ROBO1: variants seen among roughly 807,000 people sequenced by gnomAD.
ROBO1 encodes roundabout guidance receptor 1, also known as roundabout homolog 1.
ROBO1 carries 149 observed loss-of-function variants against 195.9 expected under a neutral mutation model. The ratio of observed to expected loss-of-function variants is 0.76; its 90% confidence interval spans 0.67 to 0.87. The LOEUF (loss-of-function observed/expected upper bound fraction) is 0.87, where lower values mean the gene tolerates loss of function less well. Among genes scored for constraint, ROBO1 ranks in the 40% least tolerant of loss-of-function variants. ROBO1 has a pLI of 0.00. For missense variants in ROBO1, 1,933 were observed against 2,068.3 expected (o/e 0.93, Z 1.27); for synonymous variants, 816 against 733.2 (o/e 1.11, Z -1.82).
chr3:79,364,283 T>TAC (rs1398933884), intron 2 of ROBO1, among the ~76,000 whole-genome samples: 6 of 149,540 alleles, frequency 4.0e-5, no homozygotes, highest in African/African-American at 9.9e-5. Flanking sequence ...TATATATATA[T>TAC]ACACACACAT....
At chr3:78,710,403 T>C (rs998051261) in intron 8 of ROBO1, among the ~76,000 whole-genome samples, 6 of 152,230 alleles carry the variant, frequency 3.9e-5, no homozygotes, top group Non-Finnish European at 8.8e-5. Flanking sequence ...ACAATATTAG[T>C]ACTTCAGATT....
chr3:78,728,110 AT>A (rs2082206311), intron 5 of ROBO1, among the ~76,000 whole-genome samples: 1 of 152,120 alleles, frequency 6.6e-6, no homozygotes. Context: ...TATAAAAGCT[AT>A]TGATTCTTGC....
At chr3:78,897,751 A>G (rs958204401) in intron 4 of ROBO1, among the ~76,000 whole-genome samples, 2 of 152,144 alleles carry the variant, frequency 1.3e-5, no homozygotes, top group Admixed American at 6.5e-5. Flanking sequence ...TAATTCCCAC[A>G]TATCTAAACA....
intron 2 of ROBO1, among the ~76,000 whole-genome samples, chr3:79,568,649 T>C (rs1943171082): frequency 6.6e-6 from 1 of 152,024 alleles, no homozygotes; most frequent in Non-Finnish European, 1.5e-5. Flanking sequence ...TTGTCTGTCC[T>C]TTGTTCTTGG....
At chr3:78,933,634 C>T (rs1371005643) in intron 4 of ROBO1, among the ~76,000 whole-genome samples, 1 of 151,810 alleles carries the variant, frequency 6.6e-6, no homozygotes, top group Non-Finnish European at 1.5e-5. Flanking sequence ...TAATAAAAAT[C>T]CAAATATATT....
chr3:79,498,068 A>G (rs375055130), intron 2 of ROBO1, among the ~76,000 whole-genome samples: 52 of 152,312 alleles, frequency 3.4e-4, no homozygotes, highest in African/African-American at 1.3e-3. Flanking sequence ...TACAATTAGA[A>G]TGACCAACAC....
chr3:79,244,127 CG>C (rs554743722), intron 2 of ROBO1, among the ~76,000 whole-genome samples: 170 of 152,180 alleles, frequency 1.1e-3, no homozygotes, highest in African/African-American at 3.9e-3. Context: ...TTTGAACCCA[CG>C]GTTGTCAGAT....
Position 78,677,632 on chromosome 3 carries a change from A to T in ROBO1, c.1343-7331T>A, listed in dbSNP as rs796201638. On this transcript the variant is annotated intron_variant, in intron 10 of 30. Transcript: ENST00000464233. ...TCAACAAGAGGAGCTAACTATCCTA[A>T]ATATATATGCACCCAATACAGGAGC... Among the ~76,000 whole-genome samples the T allele has an allele frequency of 2.7e-3, 417 of 151,664 alleles. 2 individuals carry two copies. In the South Asian group the frequency reaches 0.036, roughly 13 times the overall value.
At chr3:79,274,598 C>T (rs2030864003) in intron 2 of ROBO1, among the ~76,000 whole-genome samples, 1 of 151,624 alleles carries the variant, frequency 6.6e-6, no homozygotes, top group Admixed American at 6.6e-5. Flanking sequence ...ACTAGAAAAG[C>T]AAGAGCCAAC....
intron 2 of ROBO1, among the ~76,000 whole-genome samples, chr3:79,499,651 G>A (rs996283610): frequency 2.0e-5 from 3 of 151,990 alleles, no homozygotes; most frequent in African/African-American, 7.2e-5. Context: ...AACATTAACA[G>A]AATAAGAAAA....
chr3:78,798,680 C>G (rs2084258595), intron 4 of ROBO1, among the ~76,000 whole-genome samples: 1 of 152,156 alleles, frequency 6.6e-6, no homozygotes, highest in African/African-American at 2.4e-5. Context: ...TTTTAGATCT[C>G]TGACTAGGCA....
At chr3:79,646,662 G>C (rs1336657302) in intron 1 of ROBO1, among the ~76,000 whole-genome samples, 2 of 151,942 alleles carry the variant, frequency 1.3e-5, no homozygotes, top group Non-Finnish European at 2.9e-5. Context: ...GAATCTAAGT[G>C]CCCATCAATG....
chr3:79,684,769 G>A (rs1473608298), intron 1 of ROBO1, among the ~76,000 whole-genome samples: 6 of 151,870 alleles, frequency 4.0e-5, no homozygotes, highest in Admixed American at 6.6e-5. Flanking sequence ...TCTGCCTCCC[G>A]GGTTCAAGCA....
intron 2 of ROBO1, among the ~76,000 whole-genome samples, chr3:79,491,952 A>C (rs376629365): frequency 1.1e-4 from 17 of 152,150 alleles, no homozygotes; most frequent in African/African-American, 4.1e-4. Context: ...TTACAGCAGT[A>C]GTGTGAATAG....
Position 79,550,195 on chromosome 3 carries a change from GGAAAAGAAAAGAAAAGAAAAGAAAA to G in ROBO1, c.88+39604_88+39628del, listed in dbSNP as rs58751236. ...AGAAAGAAAGAAAGAAAGAAAGAAA[GGAAAAGAAAAGAAAAGAAAAGAAAA>G]GAAAAGAAAAGAAAAGAAAAGAAAA... On this transcript the variant is annotated intron_variant, in intron 2 of 30. Transcript: ENST00000464233. 7.8e-4 allele frequency among the ~76,000 whole-genome samples: 79 copies of G among 100,836 alleles called. 2 individuals are homozygous for G. The highest frequency in any genetic ancestry group is 5.0e-3 in the Middle Eastern group (1 of 200). The allele number at this position is 100,836 out of a possible 152,430, so 66.2% of individuals were successfully genotyped here. A position where few individuals can be genotyped will look rare whatever the true frequency, so the allele number is the denominator to read the frequency against.
intron 1 of ROBO1, among the ~76,000 whole-genome samples, chr3:79,765,394 G>A (rs1704929637): frequency 1.3e-5 from 2 of 152,074 alleles, no homozygotes; most frequent in African/African-American, 4.8e-5. Context: ...TTTTTTGGGG[G>A]GTGGGGGCCG....
chr3:78,785,766 C>A (rs955281001), intron 4 of ROBO1, among the ~76,000 whole-genome samples: 22 of 152,084 alleles, frequency 1.4e-4, no homozygotes, highest in Non-Finnish European at 2.8e-4. Flanking sequence ...TATAATGGTG[C>A]ATAATTATCC....
At chr3:78,859,469 T>C (rs1484664241) in intron 4 of ROBO1, among the ~76,000 whole-genome samples, 17 of 152,140 alleles carry the variant, frequency 1.1e-4, no homozygotes, top group Non-Finnish European at 1.5e-5. Context: ...ATATGAACTT[T>C]CATATTGTGA....
chr3:79,056,145 C>G (rs929534968), intron 3 of ROBO1, among the ~76,000 whole-genome samples: 2 of 152,054 alleles, frequency 1.3e-5, no homozygotes, highest in African/African-American at 4.8e-5. Context: ...TCATCTTGCT[C>G]TACATAAATC....
Sources: gnomAD v4.1 joint callset for allele counts (sites outside exome capture counted in the v4.1 genomes callset) on GRCh38, gnomAD v4.1.1 for gene constraint, MANE v1.5 for transcripts, NCBI Gene and HGNC (gene_info 2026-07-23, HGNC 2026-07-21) for gene names.